The following TSPAN18 variants were observed in gnomAD, a reference collection of about 807,000 sequenced individuals.
TSPAN18 encodes tetraspanin-18.
A neutral mutation model predicts 27.3 loss-of-function variants in TSPAN18; 14 were observed. That is an observed-to-expected ratio of 0.51 (90% CI 0.34 to 0.80). The LOEUF is 0.80. Ranked by LOEUF, TSPAN18 falls within the 30% of genes least tolerant of loss-of-function variation. The probability of loss-of-function intolerance (pLI) is 0.01; values close to 1 mark genes in which losing one functional copy is unlikely to be tolerated. For missense variants in TSPAN18, 268 were observed against 323.9 expected (o/e 0.83, Z 1.32); for synonymous variants, 143 against 136.5 (o/e 1.05, Z -0.33).
In TSPAN18 at chr11:44,931,552, T is replaced by C. The variant is rs946629781; in HGVS notation, c.*2374T>C. 1 of 152,332 alleles carries C rather than the reference T, an allele frequency of 6.6e-6. No homozygotes were observed. Among genetic ancestry groups the C allele is most frequent in the African/African-American group, 2.4e-5 (1 of 41,436 alleles). The allele number at this position is 152,332 out of a possible 1,614,324, so 9.4% of individuals were successfully genotyped here. A position where few individuals can be genotyped will look rare whatever the true frequency, so the allele number is the denominator to read the frequency against. Reference sequence around the variant, plus strand: ...TTTCTACAAATGTGCCAAGGAACCCTCAATCAGCCCTGATTCAGCTCGCCA... The same window carrying C: ...TTTCTACAAATGTGCCAAGGAACCCCCAATCAGCCCTGATTCAGCTCGCCA... On this transcript the variant is annotated 3_prime_UTR_variant, in exon 10 of 10. Transcript: ENST00000520358.
intron 2 of TSPAN18, among the ~76,000 whole-genome samples, chr11:44,849,963 G>A (rs2135185681): frequency 6.6e-6 from 1 of 152,252 alleles, no homozygotes; most frequent in Non-Finnish European, 1.5e-5. Context: ...CCATAAATAG[G>A]GAGACCGTCC....
At chr11:44,896,947 G>A (rs1859081193) in intron 3 of TSPAN18, among the ~76,000 whole-genome samples, 2 of 152,120 alleles carry the variant, frequency 1.3e-5, no homozygotes, top group African/African-American at 4.8e-5. Flanking sequence ...GGGAGGGATG[G>A]GTAAATGGGG....
chr11:44,866,206 A>G (rs835745), intron 3 of TSPAN18, among the ~76,000 whole-genome samples: 53,128 of 152,236 alleles, frequency 0.35, 10,909 homozygotes, highest in Non-Finnish European at 0.45. Context: ...GGGGCCCAGC[A>G]CATCATCGGT....
chr11:44,763,245 TC>T (rs1355542899), intron 1 of TSPAN18, among the ~76,000 whole-genome samples: 2 of 152,180 alleles, frequency 1.3e-5, no homozygotes, highest in Admixed American at 6.5e-5. Flanking sequence ...TTGGGGAACT[TC>T]GCTTTCTCCC....
chr11:44,855,177 T>C (rs1422433646), intron 2 of TSPAN18, among the ~76,000 whole-genome samples: 1 of 152,240 alleles, frequency 6.6e-6, no homozygotes, highest in Non-Finnish European at 1.5e-5. Flanking sequence ...TTAACTCATT[T>C]TACTTATTAG....
At chr11:44,812,789 G>A (rs1026515440) in intron 2 of TSPAN18, among the ~76,000 whole-genome samples, 1 of 152,212 alleles carries the variant, frequency 6.6e-6, no homozygotes, top group Non-Finnish European at 1.5e-5. Context: ...GAGAGGGGGT[G>A]CCACGGGCTG....
intron 1 of TSPAN18, among the ~76,000 whole-genome samples, chr11:44,732,649 G>A (rs77080639): frequency 0.014 from 2,073 of 152,246 alleles, 29 homozygotes; most frequent in Middle Eastern, 0.027. Flanking sequence ...TGATGAGTAA[G>A]AGTTTTTTGG....
chr11:44,736,715 C>A (rs1282777785), intron 1 of TSPAN18: 1 of 152,226 alleles, frequency 6.6e-6, no homozygotes, highest in East Asian at 1.9e-4. Context: ...GCAGGGGAGG[C>A]AACCTGCTGT....
intron 3 of TSPAN18, among the ~76,000 whole-genome samples, chr11:44,899,834 T>C (rs1859193403): frequency 6.6e-6 from 1 of 152,108 alleles, no homozygotes; most frequent in Admixed American, 6.5e-5. Flanking sequence ...ACTGCTACTC[T>C]CCCTTCAGGG....
At chr11:44,758,373 C>T (rs898594440) in intron 1 of TSPAN18, among the ~76,000 whole-genome samples, 2 of 152,132 alleles carry the variant, frequency 1.3e-5, no homozygotes, top group African/African-American at 4.8e-5. Context: ...GTATGCTTAA[C>T]CATCCTTGCA....
chr11:44,761,449 C>T (rs1345697731), intron 1 of TSPAN18, among the ~76,000 whole-genome samples: 1 of 152,222 alleles, frequency 6.6e-6, no homozygotes, highest in Non-Finnish European at 1.5e-5. Flanking sequence ...CTCAGCCCAG[C>T]TGGTTTCCCT....
At chr11:44,746,086 G>T (rs1855068568) in intron 1 of TSPAN18, among the ~76,000 whole-genome samples, 1 of 152,212 alleles carries the variant, frequency 6.6e-6, no homozygotes, top group South Asian at 2.1e-4. Flanking sequence ...GTGAGAGAAG[G>T]TGCATAAAAC....
In TSPAN18 at chr11:44,919,233, C is replaced by A; in HGVS notation, c.353C>A (p.Thr118Asn). 6.2e-7 allele frequency: 1 copy of A among 1,614,110 alleles called. No homozygotes were observed. Among genetic ancestry groups the A allele is most frequent in the South Asian group, 1.1e-5 (1 of 91,080 alleles). ...CCCCAGCTCACCCGAGAATTCTTCA[C>A]CAAGGAGCTCACCAAGCACTACCAG... ...FRENLTREFF[T>N]KELTKHYQGN... The change falls in exon 7 of 10, where the codon ACC (threonine) becomes AAC (asparagine). Residue 118 changes from threonine (T) to asparagine (N), a missense_variant. By Grantham distance (65) the Thr-to-Asn change is moderately conservative. Transcript: ENST00000520358.
intron 3 of TSPAN18, among the ~76,000 whole-genome samples, chr11:44,891,425 G>T (rs1009659384): frequency 8.5e-5 from 13 of 152,176 alleles, no homozygotes; most frequent in Non-Finnish European, 2.9e-5. Context: ...GCGGAGAGTG[G>T]ACACACCCTC....
intron 3 of TSPAN18, among the ~76,000 whole-genome samples, chr11:44,905,774 G>A (rs1859431938): frequency 6.6e-6 from 1 of 152,230 alleles, no homozygotes; most frequent in South Asian, 2.1e-4. Flanking sequence ...GAGGTGGGAT[G>A]CTAGAGGTCT....
chr11:44,859,955 G>A (rs1857833194), intron 2 of TSPAN18, among the ~76,000 whole-genome samples: 2 of 152,126 alleles, frequency 1.3e-5, no homozygotes, highest in South Asian at 4.1e-4. Context: ...CAATCTGCTT[G>A]GACTCATGGA....
At chr11:44,729,918 C>T (rs540438583) in intron 1 of TSPAN18, among the ~76,000 whole-genome samples, 3 of 152,218 alleles carry the variant, frequency 2.0e-5, no homozygotes, top group South Asian at 2.1e-4. Context: ...CTGAGTCATC[C>T]GTGTGGCCTT....
At chr11:44,864,713 G>T (rs1257955633) in intron 3 of TSPAN18, among the ~76,000 whole-genome samples, 1 of 152,236 alleles carries the variant, frequency 6.6e-6, no homozygotes. Context: ...GTTTCACGGG[G>T]AAGATGGGCT....
intron 2 of TSPAN18, among the ~76,000 whole-genome samples, chr11:44,846,983 G>T (rs570347586): frequency 5.5e-4 from 84 of 152,320 alleles, no homozygotes; most frequent in African/African-American, 2.0e-3. Context: ...CCCTGTGCCT[G>T]TGGTATTCCC....
Sources: allele counts gnomAD v4.1 joint callset (sites outside exome capture counted in the v4.1 genomes callset), GRCh38; gene constraint gnomAD v4.1.1; transcripts MANE v1.5; gene names NCBI Gene and HGNC (gene_info 2026-07-23, HGNC 2026-07-21).